The following JAK1 variants were observed in gnomAD, a reference collection of about 807,000 sequenced individuals.
The protein encoded by JAK1 is tyrosine-protein kinase JAK1.
Under a neutral mutation model 136.6 loss-of-function variants are expected in JAK1, and 16 were observed. That is an observed-to-expected ratio of 0.12 (90% CI 0.08 to 0.18). JAK1 has a LOEUF of 0.18. JAK1 is among the 10% of genes least tolerant of loss of function. JAK1 has a pLI of 1.00. For synonymous variants in JAK1, 492 were observed against 519.5 expected (o/e 0.95, Z 0.72); for missense variants, 859 against 1,450.1 (o/e 0.59, Z 6.62).
intron 2 of JAK1, among the ~76,000 whole-genome samples, chr1:64,998,827 C>G (rs1646727381): frequency 6.6e-6 from 1 of 152,180 alleles, no homozygotes. Flanking sequence ...GATTGTGAGG[C>G]CTCCCCAGCC....
At chr1:64,863,292 A>G (rs1656474049) in intron 8 of JAK1, among the ~76,000 whole-genome samples, 1 of 147,662 alleles carries the variant, frequency 6.8e-6, no homozygotes, top group East Asian at 2.1e-4. Context: ...GGGGCCTAAT[A>G]TCCAGGATGC....
intron 1 of JAK1, among the ~76,000 whole-genome samples, chr1:65,049,943 CTCCAG>C (rs1334852830): frequency 6.6e-6 from 1 of 152,152 alleles, no homozygotes; most frequent in Non-Finnish European, 1.5e-5. Context: ...TCTCCCCCTC[CTCCAG>C]TCATCTTTTT....
chr1:64,838,150 A>G (rs371290593), intron 21 of JAK1, 46 bp from the exon 22 acceptor site: 3 of 1,534,604 alleles, frequency 2.0e-6, no homozygotes, highest in Non-Finnish European at 2.7e-6. Context: ...AAGTCACTTT[A>G]GATTGTATTA....
chr1:64,984,867 C>T lies in JAK1; in HGVS notation c.-78+59613G>A. On this transcript the variant is annotated intron_variant, in intron 2 of 25. Coordinates refer to the JAK1 transcript ENST00000671954. This position sits in a 1 kb window ranked among gnomAD's most constrained non-coding sequence, Gnocchi z 4.1. Reference sequence around the variant, plus strand: ...CAATCTGACTAGGAAGTTGGAGGTCCAGGTGGAGCAGCCGGCCACTGCCAT... The same window carrying T: ...CAATCTGACTAGGAAGTTGGAGGTCTAGGTGGAGCAGCCGGCCACTGCCAT... 1 of 1,187,874 alleles carries T rather than the reference C, an allele frequency of 8.4e-7. No homozygotes were observed. Among genetic ancestry groups the T allele is most frequent in the Non-Finnish European group, 1.3e-6 (1 of 795,584 alleles). The allele number at this position is 1,187,874 out of a possible 1,614,324, so 73.6% of individuals were successfully genotyped here.
chr1:64,850,950 G>T, intron 11 of JAK1, 40 bp from the exon 12 acceptor site: 2 of 1,403,314 alleles, frequency 1.4e-6, no homozygotes, highest in Non-Finnish European at 2.0e-6. Context: ...CAGCACCCAA[G>T]ATCCGAGCTC....
At chr1:64,834,841 T>C (rs183332114) in intron 24 of JAK1, among the ~76,000 whole-genome samples, 184 bp from the exon 25 acceptor site, 131 of 152,330 alleles carry the variant, frequency 8.6e-4, no homozygotes, top group Non-Finnish European at 1.6e-3. Context: ...AGTTCATAAA[T>C]AATATTTTAA....
At chr1:64,995,327 A>G (rs1482301473) in intron 2 of JAK1, among the ~76,000 whole-genome samples, 2 of 152,168 alleles carry the variant, frequency 1.3e-5, no homozygotes, top group Non-Finnish European at 2.9e-5. Flanking sequence ...AATGCGATCT[A>G]TAATCTATCT....
intron 19 of JAK1, among the ~76,000 whole-genome samples, chr1:64,841,005 C>T (rs545513991): frequency 2.4e-4 from 37 of 152,238 alleles, no homozygotes; most frequent in Admixed American, 2.4e-3. Context: ...CCCAGAGTCC[C>T]GTGTGCATAC....
At chr1:64,925,770 A>G (rs1645573243) in intron 1 of JAK1, among the ~76,000 whole-genome samples, 1 of 152,130 alleles carries the variant, frequency 6.6e-6, no homozygotes, top group African/African-American at 2.4e-5. Context: ...ATAAATCCCT[A>G]CTTTACAGGG....
At chr1:64,904,035 A>G (rs946733883) in intron 1 of JAK1, among the ~76,000 whole-genome samples, 4 of 152,354 alleles carry the variant, frequency 2.6e-5, no homozygotes, top group South Asian at 2.1e-4. Context: ...TAACAGGTAT[A>G]TATTTGTTCA....
upstream of JAK1, among the ~76,000 whole-genome samples, chr1:64,968,422 G>A (rs891001557): frequency 2.0e-5 from 3 of 152,208 alleles, no homozygotes; most frequent in African/African-American, 7.2e-5. Flanking sequence ...AGCCGAGTCT[G>A]AGGAAGTCAG....
intron 11 of JAK1, among the ~76,000 whole-genome samples, chr1:64,852,488 T>G (rs575014685): frequency 6.6e-6 from 1 of 152,306 alleles, no homozygotes; most frequent in Admixed American, 6.5e-5. Context: ...CTCTGTTACC[T>G]GGGGAAAATC....
At chr1:64,898,813 G>A (rs1195796069) in intron 1 of JAK1, among the ~76,000 whole-genome samples, 1 of 152,058 alleles carries the variant, frequency 6.6e-6, no homozygotes, top group African/African-American at 2.4e-5. Context: ...AACATTTCTG[G>A]GCCTGGCCAA....
At chr1:64,864,716 G>A (rs2101101153) in intron 8 of JAK1, 71 bp downstream of exon 8, 1 of 1,205,614 alleles carries the variant, frequency 8.3e-7, no homozygotes, top group Non-Finnish European at 1.2e-6. Context: ...ATCATGTGCT[G>A]CAGAACGGAA....
intron 2 of JAK1, among the ~76,000 whole-genome samples, chr1:65,036,656 T>C (rs1224618350): frequency 6.7e-6 from 1 of 150,310 alleles, no homozygotes; most frequent in Non-Finnish European, 1.5e-5. Context: ...TGAGTTCTAA[T>C]TATTCTACAA....
At chr1:64,988,935 T>C (rs1646625970) in intron 2 of JAK1, among the ~76,000 whole-genome samples, 1 of 145,210 alleles carries the variant, frequency 6.9e-6, no homozygotes, top group Non-Finnish European at 1.5e-5. Flanking sequence ...TATGTGTATA[T>C]ATATATGTAT....
At chr1:64,873,185 T>C (rs559463719) in intron 5 of JAK1, among the ~76,000 whole-genome samples, 185 bp downstream of exon 5, 39 of 152,346 alleles carry the variant, frequency 2.6e-4, no homozygotes, top group Non-Finnish European at 4.7e-4. Flanking sequence ...ACCAGCCTCT[T>C]GGAAAGCTGA....
At chr1:65,033,219 T>C (rs1647038599) in intron 2 of JAK1, among the ~76,000 whole-genome samples, 3 of 152,212 alleles carry the variant, frequency 2.0e-5, no homozygotes, top group Admixed American at 6.5e-5. Flanking sequence ...CTGTCACTCT[T>C]GCGCTCTCAC....
At position 64,845,461 on chromosome 1, in the gene JAK1, C is replaced by T. The variant is rs971117806; in HGVS notation, c.2115+52G>A. 8.7e-6 allele frequency: 14 copies of T among 1,610,912 alleles called. No homozygotes were observed. The Middle Eastern group carries it at 4.9e-4, about 57-fold the overall frequency. On this transcript the variant is annotated intron_variant, in intron 15 of 24. Coordinates refer to ENST00000342505, the MANE Select transcript of JAK1 (RefSeq NM_002227.4). ...AGCACCTCCTTCCTGCCACCCCTCC[C>T]AGGACACTCTGGTTTCTGGTGGGAC... is the stretch of plus-strand genomic sequence containing the variant.
Sources: allele counts gnomAD v4.1 joint callset (sites outside exome capture counted in the v4.1 genomes callset), GRCh38; gene constraint gnomAD v4.1.1; non-coding constraint Gnocchi (gnomAD v3.1); transcripts MANE v1.5; gene names NCBI Gene and HGNC (gene_info 2026-07-23, HGNC 2026-07-21).